Variants in GPHN observed in about 807,000 individuals in gnomAD.
GPHN encodes the protein gephyrin.
In GPHN, 17 loss-of-function variants were observed where a neutral mutation model predicts 95.5. The ratio of observed to expected loss-of-function variants is 0.18; its 90% CI spans 0.12 to 0.27. The LOEUF (loss-of-function observed/expected upper bound fraction) is 0.27. Ranked by LOEUF, GPHN falls within the 10% of genes least tolerant of loss-of-function variation. The pLI is 1.00. For missense variants in GPHN, 660 were observed against 978.1 expected (o/e 0.67, Z 4.34); for synonymous variants, 320 against 322.5 (o/e 0.99, Z 0.08).
intron 8 of GPHN, among the ~76,000 whole-genome samples, chr14:66,944,967 C>T (rs1012034623): frequency 2.0e-5 from 3 of 152,186 alleles, no homozygotes. Context: ...AGGTGGTGCA[C>T]AGTTTCCTCT....
At chr14:66,557,252 G>C (rs889837765) in intron 1 of GPHN, among the ~76,000 whole-genome samples, 66 of 149,850 alleles carry the variant, frequency 4.4e-4, no homozygotes, top group Non-Finnish European at 8.5e-4. Context: ...TAGATAGATA[G>C]ATAGATAGAT....
the GPHN span, among the ~76,000 whole-genome samples, chr14:67,460,904 T>C: frequency 9.2e-5 from 14 of 152,336 alleles, no homozygotes; most frequent in East Asian, 2.7e-3. Context: ...CGGTCCTGTA[T>C]AAAGCATTTT....
chr14:66,756,083 T>G (rs927091876), intron 2 of GPHN, among the ~76,000 whole-genome samples: 3 of 152,192 alleles, frequency 2.0e-5, no homozygotes, highest in African/African-American at 7.2e-5. Context: ...CCCAGGATAT[T>G]GTGGGGCACA....
At chr14:66,778,365 C>T (rs998684523) in intron 3 of GPHN, among the ~76,000 whole-genome samples, 6 of 152,042 alleles carry the variant, frequency 3.9e-5, no homozygotes, top group Non-Finnish European at 7.4e-5. Flanking sequence ...TTTGAAAACA[C>T]GATATGCCAA....
intron 1 of GPHN, among the ~76,000 whole-genome samples, chr14:66,617,411 A>C (rs909281971): frequency 1.5e-4 from 20 of 131,626 alleles, no homozygotes; most frequent in African/African-American, 8.1e-4. Context: ...CGGTTTCCCC[A>C]GCTGGGTGGA....
chr14:66,820,613 GTTTGCA>G lies in GPHN; in HGVS notation c.202-3859_202-3854del, dbSNP rs547320010. On this transcript the variant is annotated intron_variant, in intron 3 of 22. Coordinates refer to ENST00000478722, the MANE Select transcript of GPHN (RefSeq NM_020806.5). Reference sequence around the variant, plus strand: ...AGAAAAAGATATGGAGTCTCTTTTAGTTTGCATCTCTGTAGATTTAGAGGTATTCAT... The same window carrying G: ...AGAAAAAGATATGGAGTCTCTTTTAGTCTCTGTAGATTTAGAGGTATTCAT... Among the ~76,000 whole-genome samples, 100 of 152,216 alleles carry G rather than the reference GTTTGCA, an allele frequency of 6.6e-4. 1 individual carries two copies. The highest frequency in any genetic ancestry group is 6.6e-3 in the East Asian group (34 of 5,190).
the GPHN span, among the ~76,000 whole-genome samples, chr14:67,212,490 C>T: frequency 6.6e-6 from 1 of 150,442 alleles, no homozygotes; most frequent in Non-Finnish European, 1.5e-5. Flanking sequence ...ATTAGGGAGG[C>T]TGAAGTGGAA....
the GPHN span, among the ~76,000 whole-genome samples, chr14:67,564,654 C>T: frequency 7.4e-4 from 110 of 148,060 alleles, no homozygotes; most frequent in African/African-American, 2.6e-3. Context: ...GACAGGGTTT[C>T]ACTATGTTGG....
intron 12 of GPHN, among the ~76,000 whole-genome samples, chr14:67,095,357 G>A (rs995443980): frequency 6.6e-6 from 1 of 152,144 alleles, no homozygotes; most frequent in African/African-American, 2.4e-5. Context: ...CAACCACTGT[G>A]GAAGTCAGTG....
At chr14:66,921,425 C>A (rs1365660620) in intron 6 of GPHN, among the ~76,000 whole-genome samples, 1 of 150,214 alleles carries the variant, frequency 6.7e-6, no homozygotes, top group Non-Finnish European at 1.5e-5. Context: ...ATGTCATTAG[C>A]CCACTTTTTG....
At chr14:67,556,855 T>C in the GPHN span, among the ~76,000 whole-genome samples, 1 of 152,190 alleles carries the variant, frequency 6.6e-6, no homozygotes, top group African/African-American at 2.4e-5. Flanking sequence ...TTGAGAAATA[T>C]GGGTCAGCAC....
chr14:66,936,186 C>G (rs549512870), intron 8 of GPHN, among the ~76,000 whole-genome samples: 8 of 152,044 alleles, frequency 5.3e-5, no homozygotes, highest in Non-Finnish European at 8.8e-5. Context: ...TGAGTCCAGC[C>G]TAGCCAACAT....
chr14:67,418,526 GC>G, the GPHN span, among the ~76,000 whole-genome samples: 1 of 152,200 alleles, frequency 6.6e-6, no homozygotes, highest in Non-Finnish European at 1.5e-5. Flanking sequence ...CTCAGCAGAA[GC>G]TTTGAGCACC....
chr14:67,503,258 C>T, the GPHN span, among the ~76,000 whole-genome samples: 1 of 152,184 alleles, frequency 6.6e-6, no homozygotes, highest in East Asian at 1.9e-4. Context: ...TGGTCTCTGG[C>T]TTCTAAAAGG....
At chr14:66,784,359 C>T (rs968654905) in intron 3 of GPHN, among the ~76,000 whole-genome samples, 10 of 151,742 alleles carry the variant, frequency 6.6e-5, no homozygotes, top group South Asian at 2.1e-4. Context: ...TACTCAAACG[C>T]GAAAACTAAA....
the GPHN span, among the ~76,000 whole-genome samples, chr14:67,626,388 GT>G: frequency 6.6e-6 from 1 of 152,248 alleles, no homozygotes; most frequent in East Asian, 1.9e-4. Flanking sequence ...CACTACTGGT[GT>G]GAATGTAAAA....
At chr14:67,536,087 GT>G in the GPHN span, among the ~76,000 whole-genome samples, 7 of 152,230 alleles carry the variant, frequency 4.6e-5, 1 homozygote, top group African/African-American at 1.7e-4. Context: ...TCTCTTTGCT[GT>G]TTTTGTTCTC....
At chr14:67,473,543 C>A in the GPHN span, 12 of 1,613,860 alleles carry the variant, frequency 7.4e-6, no homozygotes, top group Non-Finnish European at 1.0e-5. This position sits in a 1 kb window ranked among gnomAD's most constrained non-coding sequence, Gnocchi z 6.5. Flanking sequence ...TGATGAGGGC[C>A]CCGCAGAACC....
chr14:67,626,144 C>T, the GPHN span, among the ~76,000 whole-genome samples: 1 of 152,018 alleles, frequency 6.6e-6, no homozygotes. Context: ...GTCCCAGCTA[C>T]TCAGGAGGCT....
Sources: gnomAD v4.1 joint callset for allele counts (sites outside exome capture counted in the v4.1 genomes callset) on GRCh38, gnomAD v4.1.1 for gene constraint, Gnocchi (gnomAD v3.1) non-coding constraint, MANE v1.5 for transcripts, NCBI Gene and HGNC (gene_info 2026-07-23, HGNC 2026-07-21) for gene names.